Variants in KIF6 observed in about 807,000 individuals in gnomAD.
The protein encoded by KIF6 is kinesin-like protein KIF6.
KIF6 carries 106 observed loss-of-function variants against 112.7 expected under a neutral mutation model. The ratio of observed to expected loss-of-function variants is 0.94; its 90% confidence interval spans 0.80 to 1.11. The LOEUF (loss-of-function observed/expected upper bound fraction) is 1.11, where lower values mean the gene tolerates loss of function less well. Among genes scored for constraint, KIF6 ranks in the 50% least tolerant of loss-of-function variants. KIF6 has a pLI of 0.00. For missense variants in KIF6, 929 were observed against 964.0 expected, an observed-to-expected ratio of 0.96 and a Z score of 0.48; for synonymous variants, 339 against 339.9, an observed-to-expected ratio of 1.00 and a Z score of 0.03.
chr6:39,663,273 T>A (rs966786151), intron 3 of KIF6, among the ~76,000 whole-genome samples: 1 of 152,186 alleles, frequency 6.6e-6, no homozygotes, highest in Non-Finnish European at 1.5e-5. Context: ...AAATTTAAAT[T>A]TTGAAACAAG....
At chr6:39,698,891 T>C (rs1264719407) in intron 3 of KIF6, among the ~76,000 whole-genome samples, 1 of 152,184 alleles carries the variant, frequency 6.6e-6, no homozygotes, top group Non-Finnish European at 1.5e-5. Context: ...TCAATGGAAA[T>C]ACAAAAGCAG....
At chr6:39,474,731 G>A (rs1406919274) in intron 13 of KIF6, among the ~76,000 whole-genome samples, 1 of 152,250 alleles carries the variant, frequency 6.6e-6, no homozygotes, top group Non-Finnish European at 1.5e-5. Flanking sequence ...AGTGAGAACT[G>A]TGTGTGGTAA....
At chr6:39,433,606 T>C (rs1227075574) in intron 13 of KIF6, among the ~76,000 whole-genome samples, 1 of 152,228 alleles carries the variant, frequency 6.6e-6, no homozygotes, top group Admixed American at 6.5e-5. Flanking sequence ...TCTTTGATTG[T>C]GGTGACCACA....
At chr6:39,590,429 GTA>G (rs1249626336) in intron 7 of KIF6, among the ~76,000 whole-genome samples, 122 of 95,346 alleles carry the variant, frequency 1.3e-3, no homozygotes, top group African/African-American at 1.9e-3. Flanking sequence ...ATGTGTGTGT[GTA>G]TATATATATA....
At chr6:39,436,868 A>G (rs1055515062) in intron 13 of KIF6, among the ~76,000 whole-genome samples, 12 of 151,932 alleles carry the variant, frequency 7.9e-5, no homozygotes, top group Non-Finnish European at 1.6e-4. Flanking sequence ...TTGGTTCCAT[A>G]TTAATTTTAG....
chr6:39,704,599 C>A (rs1789079864), intron 3 of KIF6, among the ~76,000 whole-genome samples: 2 of 151,180 alleles, frequency 1.3e-5, no homozygotes, highest in Non-Finnish European at 1.5e-5. Context: ...GCCTGGGTGA[C>A]AGAGAGAAAC....
rs1490407104 is a variant in KIF6 at position 39,562,561 on chromosome 6, C to T, written c.1181+15495G>A. ...TTAGAAGAAGGATTTAAGTTTAAGT[C>T]ACCACTGTAAACCTCACACCTTTAT... On this transcript the variant is annotated intron_variant, in intron 10 of 22. Coordinates refer to ENST00000287152, the MANE Select transcript of KIF6 (RefSeq NM_145027.6). Among the ~76,000 whole-genome samples, 5 of 152,180 alleles carry T rather than the reference C, an allele frequency of 3.3e-5. 1 individual carries two copies. The South Asian group carries it at 8.3e-4, about 25-fold the overall frequency.
chr6:39,401,298 C>T (rs879695403), intron 15 of KIF6, among the ~76,000 whole-genome samples: 1 of 152,252 alleles, frequency 6.6e-6, no homozygotes, highest in Non-Finnish European at 1.5e-5. Context: ...TTTTCACCAT[C>T]TGAGTTATCT....
At chr6:39,718,229 C>CAAAAAAAAAAAAAAAA (rs35872391) in intron 2 of KIF6, among the ~76,000 whole-genome samples, 1 of 58,948 alleles carries the variant, frequency 1.7e-5, no homozygotes, top group Non-Finnish European at 3.0e-5. Context: ...GACTCCATCT[C>CAAAAAAAAAAAAAAAA]AAAAAAAAAA....
At chr6:39,626,973 C>T (rs1397003372) in intron 5 of KIF6, among the ~76,000 whole-genome samples, 2 of 152,134 alleles carry the variant, frequency 1.3e-5, no homozygotes, top group South Asian at 2.1e-4. Flanking sequence ...CCACCTCATT[C>T]CAGTCCTACA....
At chr6:39,611,586 C>G (rs1332736537) in intron 6 of KIF6, among the ~76,000 whole-genome samples, 1 of 152,156 alleles carries the variant, frequency 6.6e-6, no homozygotes, top group Non-Finnish European at 1.5e-5. Context: ...AGGGATGGAT[C>G]GCCTCCGAAA....
At chr6:39,527,758 C>G (rs1777818506) in intron 13 of KIF6, among the ~76,000 whole-genome samples, 1 of 152,192 alleles carries the variant, frequency 6.6e-6, no homozygotes, top group African/African-American at 2.4e-5. Flanking sequence ...ACAAATATCC[C>G]TGCCAACTCT....
Position 39,430,952 on chromosome 6 carries a change from T to C in KIF6, c.1754+101A>G, listed in dbSNP as rs78726441. On this transcript the variant is annotated intron_variant, in intron 14 of 22. Transcript: ENST00000287152. Reference sequence around the variant, plus strand: ...AATAAACATTATGCTTTTCTTGTAATAGTTATGTTGGGCAGATTAGGAAGG... The same window carrying C: ...AATAAACATTATGCTTTTCTTGTAACAGTTATGTTGGGCAGATTAGGAAGG... The C allele has an allele frequency of 8.6e-4, 532 of 616,498 alleles. 8 individuals carry two copies. The East Asian group carries it at 0.01, about 12-fold the overall frequency. The allele number at this position is 616,498 out of a possible 1,614,324, so 38.2% of individuals were successfully genotyped here. A position where few individuals can be genotyped will look rare whatever the true frequency, so the allele number is the denominator to read the frequency against.
intron 10 of KIF6, among the ~76,000 whole-genome samples, chr6:39,557,416 A>C (rs1488173406): frequency 1.3e-5 from 2 of 152,172 alleles, no homozygotes; most frequent in Non-Finnish European, 2.9e-5. Context: ...TAAGTGTTTA[A>C]AAGAAAATGA....
At position 39,717,362 on chromosome 6, in the gene KIF6, C is replaced by T. The variant is rs528703805; in HGVS notation, c.177-2596G>A. The stretch of plus-strand genomic sequence containing the variant: ...ATCACTTTTTCTCAAACATGCCGGG[C>T]GTTCTCCCCATTAGGGATTTCACTC... On this transcript the variant is annotated intron_variant, in intron 2 of 22. Transcript: ENST00000287152. Among the ~76,000 whole-genome samples the T allele has an allele frequency of 3.9e-5, 6 of 152,208 alleles. No homozygotes were observed. The South Asian group carries it at 6.2e-4, about 16-fold the overall frequency.
Position 39,613,235 on chromosome 6 carries a change from G to A in KIF6, c.593C>T (p.Ala198Val). 6.2e-7 allele frequency: 1 copy of A among 1,604,804 alleles called. No homozygotes were observed. Among genetic ancestry groups the A allele is most frequent in the Non-Finnish European group, 8.5e-7 (1 of 1,175,596 alleles). ...GTCTCCTAAAAAAAGCAAATTCAGAGCTTCTTCCTCTGTGGTTGCCTGATG... is the reference window on the plus strand; with the variant it reads ...GTCTCCTAAAAAAAGCAAATTCAGAACTTCTTCCTCTGTGGTTGCCTGATG... ...TLHQATTEEE[A>V]LNLLFLGDTN... Residue 198 changes from alanine (A) to valine (V), a missense_variant, in exon 6 of 23, where the codon GCT (alanine) becomes GTT (valine). This residue lies in a region of KIF6 where 688 missense variants were observed against 662.7 expected (regional missense o/e 1.04). Coordinates refer to ENST00000287152, the MANE Select transcript of KIF6 (RefSeq NM_145027.6).
At chr6:39,606,950 C>G (rs1414278307) in intron 6 of KIF6, among the ~76,000 whole-genome samples, 1 of 152,182 alleles carries the variant, frequency 6.6e-6, no homozygotes, top group Non-Finnish European at 1.5e-5. Flanking sequence ...TCTCAGCACC[C>G]TCTCTCACCA....
chr6:39,647,989 G>A (rs937640772), intron 3 of KIF6, among the ~76,000 whole-genome samples: 1 of 150,172 alleles, frequency 6.7e-6, no homozygotes, highest in Non-Finnish European at 1.5e-5. Context: ...GGGATTACAG[G>A]CATGAGCCAC....
chr6:39,480,602 T>C (rs1039065768), intron 13 of KIF6, among the ~76,000 whole-genome samples: 3 of 152,164 alleles, frequency 2.0e-5, no homozygotes, highest in Non-Finnish European at 4.4e-5. Context: ...CCCTCTTCTG[T>C]ATCTTGTGGA....
Sources: allele counts gnomAD v4.1 joint callset (sites outside exome capture counted in the v4.1 genomes callset), GRCh38; gene constraint gnomAD v4.1.1; regional missense constraint gnomAD v4.1.1; transcripts MANE v1.5; gene names NCBI Gene and HGNC (gene_info 2026-07-23, HGNC 2026-07-21).